Variants in NPAS3 observed in about 807,000 individuals in gnomAD.
NPAS3 encodes neuronal PAS domain-containing protein 3.
In NPAS3, 14 loss-of-function variants were observed where a neutral mutation model predicts 73.1. The observed-to-expected ratio is 0.19, with a 90% CI of 0.13 to 0.30. The LOEUF (loss-of-function observed/expected upper bound fraction) is 0.30. NPAS3 is among the 10% of genes least tolerant of loss of function. The pLI is 1.00. For synonymous variants in NPAS3, 620 were observed against 541.5 expected, an observed-to-expected ratio of 1.14 and a Z score of -2.01; for missense variants, 1,096 against 1,250.0, an observed-to-expected ratio of 0.88 and a Z score of 1.86.
chr14:33,005,659 G>A (rs564842570), intron 1 of NPAS3, among the ~76,000 whole-genome samples: 4 of 152,132 alleles, frequency 2.6e-5, no homozygotes, highest in South Asian at 4.2e-4. Context: ...GGGGTCGAAG[G>A]GGGGAGTTGT....
At chr14:33,682,606 T>C (rs77732654) in intron 6 of NPAS3, among the ~76,000 whole-genome samples, 1,919 of 152,270 alleles carry the variant, frequency 0.013, 36 homozygotes, top group African/African-American at 0.044. Flanking sequence ...ATGAGCGAAG[T>C]AGGCTATTTT....
chr14:33,121,628 C>T (rs555330239), intron 2 of NPAS3, among the ~76,000 whole-genome samples: 5 of 152,266 alleles, frequency 3.3e-5, no homozygotes, highest in Admixed American at 6.5e-5. Flanking sequence ...GTAAATCAGT[C>T]TCTGTCTCTC....
In NPAS3 at chr14:33,479,915, TA is replaced by T. The variant is rs373241993; in HGVS notation, c.469-80196del. Among the ~76,000 whole-genome samples the T allele has an allele frequency of 7.7e-3, 1,149 of 149,110 alleles. 12 individuals carry two copies. Among genetic ancestry groups the T allele is most frequent in the African/African-American group, 0.026 (1,078 of 40,742 alleles). Reference sequence around the variant, plus strand: ...GAACCCCTTGCATGACTTAGAGAATTAAAAAAAAAAGTATGGGAAAGACATT... The same window carrying T: ...GAACCCCTTGCATGACTTAGAGAATTAAAAAAAAAGTATGGGAAAGACATT... On this transcript the variant is annotated intron_variant, in intron 4 of 11. Coordinates refer to ENST00000356141, the Ensembl canonical transcript of NPAS3.
chr14:33,123,254 T>A (rs1342758281), intron 2 of NPAS3, among the ~76,000 whole-genome samples: 8 of 151,976 alleles, frequency 5.3e-5, no homozygotes, highest in Non-Finnish European at 1.2e-4. Flanking sequence ...ATTTGGGGTG[T>A]AAATTGGAGT....
intron 5 of NPAS3, among the ~76,000 whole-genome samples, chr14:33,656,799 A>C (rs2059157302): frequency 6.6e-6 from 1 of 152,190 alleles, no homozygotes; most frequent in Non-Finnish European, 1.5e-5. Flanking sequence ...TGTACATTAG[A>C]TCTCTAGAAC....
chr14:33,518,426 T>G (rs367747397), intron 4 of NPAS3, among the ~76,000 whole-genome samples: 26 of 152,150 alleles, frequency 1.7e-4, no homozygotes, highest in African/African-American at 6.0e-4. Flanking sequence ...AAGATAACCC[T>G]TGAGCCTGAC....
intron 5 of NPAS3, among the ~76,000 whole-genome samples, chr14:33,590,367 C>T (rs1196853620): frequency 1.3e-5 from 2 of 152,028 alleles, no homozygotes; most frequent in African/African-American, 2.4e-5. Flanking sequence ...ATACTTACTG[C>T]TAGATATTCT....
At chr14:33,676,159 T>C in intron 5 of NPAS3, 52 bp from the exon 6 acceptor site, 1 of 1,567,258 alleles carries the variant, frequency 6.4e-7, no homozygotes, top group South Asian at 1.1e-5. Context: ...AATTTGAAAA[T>C]GGAGAAGCCT....
At chr14:33,744,288 A>G (rs1356692420) in intron 7 of NPAS3, among the ~76,000 whole-genome samples, 2 of 152,160 alleles carry the variant, frequency 1.3e-5, no homozygotes, top group African/African-American at 4.8e-5. Flanking sequence ...GCCTAATTTC[A>G]ATATTGTTAT....
chr14:33,769,242 A>G (rs763856715), intron 7 of NPAS3, among the ~76,000 whole-genome samples: 1 of 152,184 alleles, frequency 6.6e-6, no homozygotes, highest in African/African-American at 2.4e-5. Flanking sequence ...ATAACCTTCC[A>G]GAACTATACC....
At chr14:33,407,797 T>A (rs2047733948) in intron 4 of NPAS3, among the ~76,000 whole-genome samples, 1 of 152,164 alleles carries the variant, frequency 6.6e-6, no homozygotes, top group Non-Finnish European at 1.5e-5. Flanking sequence ...TCTGCCTATC[T>A]AACACAGGAG....
intron 3 of NPAS3, among the ~76,000 whole-genome samples, chr14:33,278,096 A>G (rs2041420411): frequency 6.6e-6 from 1 of 152,138 alleles, no homozygotes. Flanking sequence ...TTGGATGTGG[A>G]TTTGAGAGAC....
chr14:33,555,735 T>C (rs2139722033), intron 4 of NPAS3, among the ~76,000 whole-genome samples: 1 of 152,338 alleles, frequency 6.6e-6, no homozygotes, highest in East Asian at 1.9e-4. Context: ...AAAAGTGACC[T>C]TGGCAATCCA....
chr14:33,290,820 A>G (rs1039868069), intron 3 of NPAS3, among the ~76,000 whole-genome samples: 13 of 152,254 alleles, frequency 8.5e-5, no homozygotes, highest in Admixed American at 7.9e-4. Context: ...GGCACCAGAG[A>G]ATAGAACTCG....
intron 4 of NPAS3, among the ~76,000 whole-genome samples, chr14:33,389,817 G>C (rs1026763208): frequency 2.6e-5 from 4 of 152,080 alleles, no homozygotes; most frequent in Non-Finnish European, 5.9e-5. Context: ...TTTGAATGAG[G>C]AATGTTGTTC....
At chr14:33,115,450 A>G (rs2043031420) in intron 2 of NPAS3, among the ~76,000 whole-genome samples, 1 of 152,160 alleles carries the variant, frequency 6.6e-6, no homozygotes, top group African/African-American at 2.4e-5. Context: ...CAAGGTGAGC[A>G]TATAATGCTG....
intron 3 of NPAS3, among the ~76,000 whole-genome samples, chr14:33,336,905 T>A (rs1227282770): frequency 6.6e-6 from 1 of 152,116 alleles, no homozygotes; most frequent in Non-Finnish European, 1.5e-5. Flanking sequence ...TATTCAAATA[T>A]TTTGCCCATT....
chr14:33,657,951 G>T (rs1003451164), intron 5 of NPAS3, among the ~76,000 whole-genome samples: 1 of 152,144 alleles, frequency 6.6e-6, no homozygotes, highest in Non-Finnish European at 1.5e-5. Flanking sequence ...CCAAGCGCAC[G>T]CTCCTCGAAG....
At chr14:32,992,811 A>C (rs2038389731) in intron 1 of NPAS3, among the ~76,000 whole-genome samples, 1 of 152,168 alleles carries the variant, frequency 6.6e-6, no homozygotes, top group Admixed American at 6.6e-5. Flanking sequence ...TGGTAATATG[A>C]ATAGTCAAAA....
Sources: gnomAD v4.1 joint callset for allele counts (sites outside exome capture counted in the v4.1 genomes callset) on GRCh38, gnomAD v4.1.1 for gene constraint, MANE v1.5 for transcripts, NCBI Gene and HGNC (gene_info 2026-07-23, HGNC 2026-07-21) for gene names.